The following CNTN3 variants were observed in gnomAD, a reference collection of about 807,000 sequenced individuals.
CNTN3 encodes contactin 3.
Under a neutral mutation model 119.1 loss-of-function variants are expected in CNTN3, and 60 were observed. The observed-to-expected ratio is 0.50, with a 90% CI of 0.41 to 0.62. The LOEUF is 0.62. Among genes scored for constraint, CNTN3 ranks in the 20% least tolerant of loss-of-function variants. The probability of loss-of-function intolerance (pLI) is 0.00; values close to 1 mark genes in which losing one functional copy is unlikely to be tolerated. For missense variants in CNTN3, 1,101 were observed against 1,242.4 expected, an observed-to-expected ratio of 0.89 and a Z score of 1.71; for synonymous variants, 450 against 438.7, an observed-to-expected ratio of 1.03 and a Z score of -0.32.
chr3:74,382,424 G>A (rs1019961998), intron 5 of CNTN3, among the ~76,000 whole-genome samples: 2 of 151,768 alleles, frequency 1.3e-5, no homozygotes, highest in Non-Finnish European at 1.5e-5. Flanking sequence ...CACTAACTAC[G>A]GTCACCATAC....
chr3:74,269,049 A>G (rs906561484), intron 20 of CNTN3, among the ~76,000 whole-genome samples: 2 of 51,760 alleles, frequency 3.9e-5, no homozygotes, highest in Admixed American at 3.6e-4. Flanking sequence ...TGACAAAAAG[A>G]AAAAAAAAAA....
At chr3:74,568,046 TAGAA>T (rs1335048169) in intron 1 of CNTN3, among the ~76,000 whole-genome samples, 1 of 152,126 alleles carries the variant, frequency 6.6e-6, no homozygotes, top group African/African-American at 2.4e-5. Flanking sequence ...TAAACCAAAA[TAGAA>T]AGAAATTTCT....
At chr3:74,523,304 G>A (rs1275479121) in intron 1 of CNTN3, among the ~76,000 whole-genome samples, 1 of 151,740 alleles carries the variant, frequency 6.6e-6, no homozygotes, top group East Asian at 1.9e-4. Context: ...CATATAGATA[G>A]ATAGATAAGA....
intron 11 of CNTN3, among the ~76,000 whole-genome samples, chr3:74,355,440 T>C (rs1420773539): frequency 2.0e-5 from 3 of 147,232 alleles, no homozygotes; most frequent in African/African-American, 5.1e-5. Flanking sequence ...CATCTGCTGG[T>C]ACCAGTGTTT....
chr3:74,369,741 G>A, intron 7 of CNTN3, 148 bp downstream of exon 7: 2 of 565,584 alleles, frequency 3.5e-6, no homozygotes, highest in East Asian at 6.7e-5. Context: ...AATTTTATAT[G>A]TGCATTTCCC....
At chr3:74,317,858 G>T (rs1405939744) in intron 13 of CNTN3, among the ~76,000 whole-genome samples, 1 of 152,110 alleles carries the variant, frequency 6.6e-6, no homozygotes, top group Non-Finnish European at 1.5e-5. Flanking sequence ...GCCGTTCTCT[G>T]TATTTCCTGA....
rs776621925 is a variant in CNTN3, at chr3:74,551,754, C to CTTTTTT, written c.-80-30568_-80-30563dup. 7.0e-3 allele frequency among the ~76,000 whole-genome samples: 419 copies of CTTTTTT among 60,226 alleles called. 4 individuals are homozygous for CTTTTTT. The highest frequency in any genetic ancestry group is 0.013 in the Middle Eastern group (1 of 78). The allele number at this position is 60,226 out of a possible 152,430, so 39.5% of individuals were successfully genotyped here. A position where few individuals can be genotyped will look rare whatever the true frequency, so the allele number is the denominator to read the frequency against. On this transcript the variant is annotated intron_variant, in intron 1 of 22. Coordinates refer to ENST00000263665, the MANE Select transcript of CNTN3 (RefSeq NM_020872.3). ...AGATCTGCTTCTTCTTCTTCTTCTT[C>CTTTTTT]TTTTTTTTTTTTTTTTTTTTTTTTT...
chr3:74,555,008 C>A (rs192766844), intron 1 of CNTN3, among the ~76,000 whole-genome samples: 1 of 152,268 alleles, frequency 6.6e-6, no homozygotes, highest in Admixed American at 6.5e-5. Context: ...AAAGGGAAAG[C>A]TTCCAGTTAT....
At chr3:74,457,453 T>C (rs569674095) in intron 4 of CNTN3, among the ~76,000 whole-genome samples, 3 of 152,136 alleles carry the variant, frequency 2.0e-5, no homozygotes, top group Admixed American at 1.3e-4. Context: ...ATCTCATCTG[T>C]AGAATAGATA....
chr3:74,336,771 T>A, intron 11 of CNTN3, 113 bp from the exon 12 acceptor site: 1 of 771,226 alleles, frequency 1.3e-6, no homozygotes, highest in Non-Finnish European at 2.0e-6. Flanking sequence ...TAAGGCATGA[T>A]CAACCAGTCC....
At chr3:74,605,425 A>G (rs559278010) in intron 1 of CNTN3, among the ~76,000 whole-genome samples, 30 of 152,236 alleles carry the variant, frequency 2.0e-4, no homozygotes, top group Admixed American at 1.2e-3. Context: ...ATTAAAAGTA[A>G]TTATATTAAT....
At chr3:74,366,780 G>GTATATATATACATATATATA (rs1553650591) in intron 8 of CNTN3, among the ~76,000 whole-genome samples, 2 of 63,704 alleles carry the variant, frequency 3.1e-5, no homozygotes, top group East Asian at 1.1e-3. Flanking sequence ...GTGTGTGTGT[G>GTATATATATACATATATATA]TATATATATA....
rs189701124 is a variant in CNTN3, at chr3:74,422,129, G to A, written c.454+2716C>T. Among the ~76,000 whole-genome samples the A allele has an allele frequency of 1.6e-4, 24 of 152,258 alleles. No individual in the cohort carries two copies. The East Asian group carries it at 3.3e-3, about 21-fold the overall frequency. ...TTGTACTAGGCTCTTGGGTGCAGAC[G>A]AACACCAACATAGGCCTGCCCTCAA... On this transcript the variant is annotated intron_variant, in intron 5 of 22. Coordinates refer to ENST00000263665, the MANE Select transcript of CNTN3 (RefSeq NM_020872.3).
At chr3:74,434,678 G>A (rs1701837826) in intron 4 of CNTN3, among the ~76,000 whole-genome samples, 1 of 152,160 alleles carries the variant, frequency 6.6e-6, no homozygotes, top group Non-Finnish European at 1.5e-5. Context: ...GTAAATTAAG[G>A]ATAAGACAGC....
chr3:74,473,182 G>GA (rs899761495), intron 4 of CNTN3, among the ~76,000 whole-genome samples: 1,401 of 138,594 alleles, frequency 0.01, 20 homozygotes, highest in African/African-American at 0.027. Context: ...ACAGAAAAGC[G>GA]AAAAAAAAAA....
At chr3:74,338,292 T>C (rs1703443475) in intron 11 of CNTN3, among the ~76,000 whole-genome samples, 1 of 152,014 alleles carries the variant, frequency 6.6e-6, no homozygotes, top group African/African-American at 2.4e-5. Flanking sequence ...AAATGTTTAT[T>C]GCAAAATTTT....
intron 20 of CNTN3, among the ~76,000 whole-genome samples, chr3:74,271,710 C>T (rs929701530): frequency 6.6e-6 from 1 of 151,998 alleles, no homozygotes; most frequent in Admixed American, 6.6e-5. Flanking sequence ...TGCACTTGGA[C>T]TTCACTTAAG....
chr3:74,304,519 A>G (rs1245696565), intron 13 of CNTN3, among the ~76,000 whole-genome samples: 1 of 152,142 alleles, frequency 6.6e-6, no homozygotes, highest in Admixed American at 6.5e-5. Context: ...GCCAACCTTT[A>G]TTTGCTTATT....
chr3:74,500,434 C>T (rs1403556435), intron 2 of CNTN3, among the ~76,000 whole-genome samples: 2 of 151,404 alleles, frequency 1.3e-5, no homozygotes, highest in African/African-American at 2.4e-5. Flanking sequence ...CAAGATAATG[C>T]CACCACCAAA....
Sources: gnomAD v4.1 joint callset for allele counts (sites outside exome capture counted in the v4.1 genomes callset) on GRCh38, gnomAD v4.1.1 for gene constraint, MANE v1.5 for transcripts, NCBI Gene and HGNC (gene_info 2026-07-23, HGNC 2026-07-21) for gene names.